The following JAKMIP3 variants were observed in gnomAD, a reference collection of about 807,000 sequenced individuals.
JAKMIP3 encodes Janus kinase and microtubule interacting protein 3.
JAKMIP3 carries 58 observed loss-of-function variants against 118.5 expected under a neutral mutation model. The ratio of observed to expected loss-of-function variants is 0.49; its 90% confidence interval spans 0.40 to 0.61. JAKMIP3 has a LOEUF of 0.61. Among genes scored for constraint, JAKMIP3 ranks in the 20% least tolerant of loss-of-function variants. The pLI, the probability that JAKMIP3 is intolerant of heterozygous loss-of-function variation, is 0.00. For synonymous variants in JAKMIP3, 486 were observed against 451.2 expected (o/e 1.08, Z -0.98); for missense variants, 950 against 1,109.0 (o/e 0.86, Z 2.04).
intron 19 of JAKMIP3, among the ~76,000 whole-genome samples, chr10:132,162,177 C>T (rs1235864199): frequency 6.6e-6 from 1 of 152,188 alleles, no homozygotes; most frequent in African/African-American, 2.4e-5. Flanking sequence ...CCTCCTGGGG[C>T]AGTGGTGGCT....
At chr10:132,106,751 G>A (rs958303232) in intron 2 of JAKMIP3, among the ~76,000 whole-genome samples, 3 of 152,244 alleles carry the variant, frequency 2.0e-5, no homozygotes, top group African/African-American at 7.2e-5. Flanking sequence ...CCCAAATGGA[G>A]AGACCAGGCT....
intron 3 of JAKMIP3, among the ~76,000 whole-genome samples, chr10:132,120,243 C>A (rs971547330): frequency 1.3e-5 from 2 of 152,208 alleles, no homozygotes; most frequent in African/African-American, 4.8e-5. Context: ...AGTGGGAAGA[C>A]CAGTGTTGCC....
At chr10:132,150,199 C>A (rs535156188) in intron 16 of JAKMIP3, among the ~76,000 whole-genome samples, 158 bp downstream of exon 16, 109 of 151,886 alleles carry the variant, frequency 7.2e-4, no homozygotes, top group Admixed American at 1.8e-3. Context: ...AGAATCGGAG[C>A]CTTCCTCACA....
chr10:132,180,941 A>G (rs1479257366), intron 23 of JAKMIP3, among the ~76,000 whole-genome samples: 1 of 151,870 alleles, frequency 6.6e-6, no homozygotes, highest in Non-Finnish European at 1.5e-5. Context: ...CATTGTGTGT[A>G]CACATGTACA....
chr10:132,117,125 G>T lies in JAKMIP3; in HGVS notation c.184G>T (p.Glu62Ter). ...EKNQELRQVR[E>*]HEQHKTAVLL... The stretch of plus-strand genomic sequence containing the variant: ...GAACCAGGAGCTGCGGCAGGTGCGC[G>T]AGCATGAGCAGCATAAGACCGCGGT... Residue 62 changes from glutamate (E) to a stop codon, truncating the protein, a stop_gained, in exon 3 of 24, where the codon GAG becomes TAG. Transcript: ENST00000684848. LOFTEE classifies it high-confidence loss of function. This position sits in a 1 kb window ranked among gnomAD's most constrained non-coding sequence, Gnocchi z 8.6. 6.2e-7 allele frequency: 1 copy of T among 1,613,076 alleles called. No homozygotes were observed. The highest frequency in any genetic ancestry group is 8.5e-7 in the Non-Finnish European group (1 of 1,179,414).
intron 1 of JAKMIP3, among the ~76,000 whole-genome samples, chr10:132,093,995 T>C (rs1425440434): frequency 6.9e-6 from 1 of 145,330 alleles, no homozygotes; most frequent in Non-Finnish European, 1.5e-5. Flanking sequence ...TGGAGTGCAG[T>C]GGTGTGATCT....
At chr10:132,073,255 G>A (rs2040256206) in intron 1 of JAKMIP3, among the ~76,000 whole-genome samples, 3 of 151,990 alleles carry the variant, frequency 2.0e-5, no homozygotes, top group South Asian at 4.2e-4. Context: ...GCGCTATCTC[G>A]GCTCACTACA....
At chr10:132,047,075 CA>C (rs2037939444) in intron 1 of JAKMIP3, among the ~76,000 whole-genome samples, 5 of 152,128 alleles carry the variant, frequency 3.3e-5, no homozygotes, top group African/African-American at 9.7e-5. Context: ...TGTGTGGAGA[CA>C]GGTTCTCACT....
At chr10:132,159,119 CGTGTGATTCTGGGGGCGTCTCTCCTT>C (rs376643351) in intron 19 of JAKMIP3, among the ~76,000 whole-genome samples, 8 of 96,172 alleles carry the variant, frequency 8.3e-5, no homozygotes, top group Non-Finnish European at 1.1e-4. Flanking sequence ...CGTCTCTCCC[CGTGTGATTCTGGGGGCGTCTCTCCTT>C]GTGTGATGTT....
chr10:132,123,761 T>C (rs923826951), intron 3 of JAKMIP3, among the ~76,000 whole-genome samples: 21 of 152,102 alleles, frequency 1.4e-4, no homozygotes, highest in African/African-American at 5.1e-4. Flanking sequence ...GATGCTTTGG[T>C]TTTGCTGAAG....
At chr10:132,073,687 T>A (rs758974484) in intron 1 of JAKMIP3, among the ~76,000 whole-genome samples, 1 of 151,998 alleles carries the variant, frequency 6.6e-6, no homozygotes, top group Non-Finnish European at 1.5e-5. Flanking sequence ...CTGTAAAGAC[T>A]CGGTTTTACC....
At chr10:132,036,979 C>T (rs1370233206) in intron 1 of JAKMIP3, among the ~76,000 whole-genome samples, 1 of 152,028 alleles carries the variant, frequency 6.6e-6, no homozygotes, top group African/African-American at 2.4e-5. Flanking sequence ...CAGGCCTCGG[C>T]GCTGGCGTGA....
intron 1 of JAKMIP3, among the ~76,000 whole-genome samples, chr10:132,078,702 C>T (rs2041267052): frequency 6.6e-6 from 1 of 151,930 alleles, no homozygotes; most frequent in Non-Finnish European, 1.5e-5. Flanking sequence ...GTTTCTTTTC[C>T]AGTTGGGTAA....
intron 11 of JAKMIP3, 27 bp downstream of exon 11, chr10:132,142,075 C>T (rs532987404): frequency 5.8e-5 from 83 of 1,428,878 alleles, no homozygotes; most frequent in South Asian, 4.5e-4. Context: ...CCGCGCGTTC[C>T]GGCCCCCCTC....
At chr10:132,106,180 A>AAT (rs1353968399) in intron 2 of JAKMIP3, among the ~76,000 whole-genome samples, 3 of 151,368 alleles carry the variant, frequency 2.0e-5, no homozygotes, top group African/African-American at 7.3e-5. Flanking sequence ...ACAAAAAAAA[A>AAT]TGGACACATT....
At chr10:132,133,790 G>A (rs964389203) in intron 4 of JAKMIP3, among the ~76,000 whole-genome samples, 4 of 152,176 alleles carry the variant, frequency 2.6e-5, no homozygotes, top group African/African-American at 9.7e-5. Flanking sequence ...GTGGGCCCCG[G>A]CCTCATCACC....
chr10:132,069,151 C>A (rs1365638822), intron 1 of JAKMIP3, among the ~76,000 whole-genome samples: 1 of 152,134 alleles, frequency 6.6e-6, no homozygotes, highest in Admixed American at 6.5e-5. Context: ...TGCTGCTCTT[C>A]CCAGACATCC....
At chr10:132,076,847 A>G (rs4880322) in intron 1 of JAKMIP3, among the ~76,000 whole-genome samples, 114,306 of 149,902 alleles carry the variant, frequency 0.76, 44,099 homozygotes, top group East Asian at 0.99. Flanking sequence ...GTGGCCCCGG[A>G]TCTTACTGCG....
At chr10:132,068,901 G>A (rs556965529) in intron 1 of JAKMIP3, among the ~76,000 whole-genome samples, 4 of 152,234 alleles carry the variant, frequency 2.6e-5, no homozygotes, top group Admixed American at 6.5e-5. Flanking sequence ...CAGAAAAACC[G>A]GGCCTCAAAG....
Sources: gnomAD v4.1 joint callset for allele counts (sites outside exome capture counted in the v4.1 genomes callset) on GRCh38, gnomAD v4.1.1 for gene constraint, Gnocchi (gnomAD v3.1) non-coding constraint, MANE v1.5 for transcripts, NCBI Gene and HGNC (gene_info 2026-07-23, HGNC 2026-07-21) for gene names.